Variants in IMMT observed in about 807,000 individuals in gnomAD.
The protein encoded by IMMT is inner membrane mitochondrial protein.
Under a neutral mutation model 92.7 loss-of-function variants are expected in IMMT, and 40 were observed. The observed-to-expected ratio is 0.43, with a 90% CI of 0.34 to 0.56. The LOEUF (loss-of-function observed/expected upper bound fraction) is 0.56, where lower values mean the gene tolerates loss of function less well. IMMT is among the 20% of genes least tolerant of loss of function. The pLI is 0.03. For synonymous variants in IMMT, 322 were observed against 336.1 expected (o/e 0.96, Z 0.46); for missense variants, 831 against 912.1 (o/e 0.91, Z 1.14).
intron 1 of IMMT, among the ~76,000 whole-genome samples, chr2:86,193,571 A>G (rs1310671326): frequency 6.6e-6 from 1 of 152,094 alleles, no homozygotes; most frequent in African/African-American, 2.4e-5. Flanking sequence ...AGAGTCTATA[A>G]AGAGACAGGA....
chr2:86,189,606 G>A (rs556385711), intron 1 of IMMT, among the ~76,000 whole-genome samples: 1 of 152,272 alleles, frequency 6.6e-6, no homozygotes, highest in African/African-American at 2.4e-5. Context: ...GCTGCCTCAT[G>A]TGAACTCTAA....
At chr2:86,170,042 A>T (rs980123934) in intron 6 of IMMT, among the ~76,000 whole-genome samples, 3 of 152,248 alleles carry the variant, frequency 2.0e-5, no homozygotes, top group African/African-American at 7.2e-5. Context: ...AGGCAGTGTA[A>T]GCCATTCTGA....
intron 4 of IMMT, among the ~76,000 whole-genome samples, chr2:86,171,783 G>T (rs1354894392): frequency 6.6e-6 from 1 of 151,736 alleles, no homozygotes; most frequent in Non-Finnish European, 1.5e-5. Flanking sequence ...GCAGGAAAAA[G>T]ATTACAGTTT....
At chr2:86,192,312 G>A (rs886932574) in intron 1 of IMMT, among the ~76,000 whole-genome samples, 1 of 152,050 alleles carries the variant, frequency 6.6e-6, no homozygotes, top group Non-Finnish European at 1.5e-5. Context: ...AAATCTATGG[G>A]ATGTTTAAAG....
At chr2:86,195,032 C>T in intron 1 of IMMT, 1 of 360,678 alleles carries the variant, frequency 2.8e-6, no homozygotes, top group Non-Finnish European at 5.2e-6. Flanking sequence ...AACCGGCGAC[C>T]CAGACGCCAG....
intron 1 of IMMT, among the ~76,000 whole-genome samples, chr2:86,181,758 CAA>C (rs1271333684): frequency 6.6e-6 from 1 of 152,040 alleles, no homozygotes; most frequent in Non-Finnish European, 1.5e-5. Context: ...AAATCACCCA[CAA>C]AGTCTAGCTA....
chr2:86,181,812 A>T (rs536319631), intron 1 of IMMT, among the ~76,000 whole-genome samples: 11 of 152,352 alleles, frequency 7.2e-5, no homozygotes, highest in African/African-American at 2.4e-4. Context: ...GGACAGATCT[A>T]ACCTCAGCTA....
rs552352942 is a variant in IMMT, at chr2:86,158,912, T to A, written c.1033-191A>T. 1.2e-3 allele frequency among the ~76,000 whole-genome samples: 185 copies of A among 152,232 alleles called. 2 individuals are homozygous for A. Among genetic ancestry groups the A allele is most frequent in the Non-Finnish European group, 1.6e-3 (108 of 68,010 alleles). ...CTATTCAAATACCATGGACAGGCCC[T>A]TTCCCATCTTACTATGCCCCCTCCC... On this transcript the variant is annotated intron_variant, in intron 9 of 14. Transcript: ENST00000410111.
chr2:86,179,435 ATTTC>A lies in IMMT; in HGVS notation c.303_306del (p.Lys101AsnfsTer8). Reference sequence around the variant, plus strand: ...GAAATATTGTTTAAAACTCTTACCGATTTCTTTGGCAATGGAACATTATAAGCTG... The same window carrying A: ...GAAATATTGTTTAAAACTCTTACCGATTTGGCAATGGAACATTATAAGCTG... On this transcript the variant is annotated frameshift_variant, in exon 3 of 15. Transcript: ENST00000410111. LOFTEE classifies it high-confidence loss of function. 1 of 1,580,076 alleles carries A rather than the reference ATTTC, an allele frequency of 6.3e-7. No individual in the cohort carries two copies. Among genetic ancestry groups the A allele is most frequent in the South Asian group, 1.2e-5 (1 of 85,060 alleles).
rs1453330097 is a variant in IMMT at position 86,144,450 on chromosome 2, C to G, written c.2095G>C (p.Glu699Gln). The G allele has an allele frequency of 6.2e-7, 1 of 1,613,944 alleles. No individual in the cohort carries two copies. The highest frequency in any genetic ancestry group is 1.7e-5 in the Admixed American group (1 of 60,020). Reference protein sequence around the residue: ...KLLSYASYCIEHGDLELAAKF... With the variant: ...KLLSYASYCIQHGDLELAAKF... ...GCTGCTAGCTCCAGATCACCATGCTCAATGCAATAGGAAGCATATGACAGT... is the reference window on the plus strand; with the variant it reads ...GCTGCTAGCTCCAGATCACCATGCTGAATGCAATAGGAAGCATATGACAGT... Residue 699 changes from glutamate (E) to glutamine (Q), a missense_variant, in exon 15 of 15, where the codon GAG becomes CAG. By Grantham distance (29) the Glu-to-Gln change is conservative (BLOSUM62 2). Transcript: ENST00000410111.
chr2:86,167,194 CAG>C (rs1239731049), intron 6 of IMMT, among the ~76,000 whole-genome samples: 20 of 114,604 alleles, frequency 1.7e-4, no homozygotes, highest in Non-Finnish European at 3.1e-4. Flanking sequence ...TTTTTTGAGA[CAG>C]AGTCTCGCTC....
intron 1 of IMMT, 126 bp from the exon 2 acceptor site, chr2:86,181,498 A>G: frequency 1.5e-6 from 1 of 670,848 alleles, no homozygotes; most frequent in South Asian, 1.8e-5. Context: ...ACTTTTTTTC[A>G]GAAGTCAATT....
chr2:86,168,383 G>T (rs1676864022), intron 6 of IMMT, among the ~76,000 whole-genome samples: 1 of 152,214 alleles, frequency 6.6e-6, no homozygotes, highest in South Asian at 2.1e-4. Context: ...AGCACTTTGG[G>T]AGGCCGAGGC....
intron 12 of IMMT, among the ~76,000 whole-genome samples, chr2:86,149,977 G>C (rs926859241): frequency 6.6e-6 from 1 of 152,102 alleles, no homozygotes; most frequent in Non-Finnish European, 1.5e-5. Flanking sequence ...GGACAGATTT[G>C]GGATTTATGT....
At chr2:86,184,907 G>C (rs906014507) in intron 1 of IMMT, among the ~76,000 whole-genome samples, 5 of 152,176 alleles carry the variant, frequency 3.3e-5, no homozygotes, top group African/African-American at 1.2e-4. Context: ...GTTCCAAGTA[G>C]GCCAGGCGCG....
At chr2:86,154,314 A>G (rs1001717301) in intron 10 of IMMT, among the ~76,000 whole-genome samples, 1 of 151,548 alleles carries the variant, frequency 6.6e-6, no homozygotes, top group Non-Finnish European at 1.5e-5. Flanking sequence ...CTGGGACTAC[A>G]TGCGCCTCCC....
At chr2:86,156,239 A>T (rs567398834) in intron 10 of IMMT, among the ~76,000 whole-genome samples, 1 of 152,136 alleles carries the variant, frequency 6.6e-6, no homozygotes, top group African/African-American at 2.4e-5. Flanking sequence ...GGTGTTGCCA[A>T]ATGTCATGTG....
intron 1 of IMMT, among the ~76,000 whole-genome samples, chr2:86,191,243 G>A (rs1212578663): frequency 1.3e-5 from 2 of 151,754 alleles, no homozygotes; most frequent in African/African-American, 2.4e-5. Flanking sequence ...TACTCAGGAG[G>A]CTGAGGTGGG....
intron 1 of IMMT, among the ~76,000 whole-genome samples, chr2:86,188,425 A>G (rs544249752): frequency 1.3e-5 from 2 of 152,186 alleles, no homozygotes; most frequent in East Asian, 1.9e-4. Flanking sequence ...ACACAAATAC[A>G]TATATGTATA....
Sources: gnomAD v4.1 joint callset for allele counts (sites outside exome capture counted in the v4.1 genomes callset) on GRCh38, gnomAD v4.1.1 for gene constraint, MANE v1.5 for transcripts, NCBI Gene and HGNC (gene_info 2026-07-23, HGNC 2026-07-21) for gene names.